ATG16L2: variants seen among roughly 807,000 people sequenced by gnomAD.
ATG16L2 encodes autophagy related 16 like 2.
A neutral mutation model predicts 84.7 loss-of-function variants in ATG16L2; 77 were observed. The observed-to-expected ratio is 0.91, with a 90% CI of 0.76 to 1.10. The LOEUF (loss-of-function observed/expected upper bound fraction) is 1.10. ATG16L2 is among the 50% of genes least tolerant of loss of function. The probability of loss-of-function intolerance (pLI) is 0.00; values close to 1 mark genes in which losing one functional copy is unlikely to be tolerated. For missense variants in ATG16L2, 782 were observed against 817.6 expected, an observed-to-expected ratio of 0.96 and a Z score of 0.53; for synonymous variants, 361 against 342.8, an observed-to-expected ratio of 1.05 and a Z score of -0.59.
At chr11:72,829,063 C>CAGGGTCCCAGTA in intron 17 of ATG16L2, 79 bp downstream of exon 17, 1 of 1,440,078 alleles carries the variant, frequency 6.9e-7, no homozygotes, top group Non-Finnish European at 9.7e-7. Context: ...TACTGGGACC[C>CAGGGTCCCAGTA]TGGAGTCCCC....
chr11:72,836,684 G>A (rs1160259330), intron 5 of ATG16L2: 1 of 152,490 alleles, frequency 6.6e-6, no homozygotes, highest in East Asian at 1.9e-4. Flanking sequence ...TTTATAAGAA[G>A]CATGGGCCTT....
chr11:72,829,572 T>A lies in ATG16L2; in HGVS notation c.*182T>A. 7.4e-7 allele frequency: 1 copy of A among 1,356,470 alleles called. No homozygotes were observed. The highest frequency in any genetic ancestry group is 9.5e-7 in the Non-Finnish European group (1 of 1,057,090). The allele number at this position is 1,356,470 out of a possible 1,614,324, so 84.0% of individuals were successfully genotyped here. A position where few individuals can be genotyped will look rare whatever the true frequency, so the allele number is the denominator to read the frequency against. On this transcript the variant is annotated 3_prime_UTR_variant, in exon 18 of 18. Transcript: ENST00000321297. ...TGGGTTGGGGGATTACGCTAGTTTT[T>A]CTTTGTATTTTTATCTCTATCTCCT...
Position 72,817,769 on chromosome 11 carries a change from C to G in ATG16L2, c.232C>G (p.Leu78Val). The G allele has an allele frequency of 6.2e-7, 1 of 1,613,706 alleles. No homozygotes were observed. Among genetic ancestry groups the G allele is most frequent in the Non-Finnish European group, 8.5e-7 (1 of 1,180,008 alleles). The change falls in exon 3 of 18, where the codon CTT (leucine) becomes GTT (valine). Residue 78 changes from leucine to valine, a missense_variant. By Grantham distance (32) the Leu-to-Val change is conservative. Coordinates refer to ENST00000321297, the MANE Select transcript of ATG16L2 (RefSeq NM_033388.2). ...ATTGGTTGGCAGGGAGGAGTCAGAG[C>G]TTGACTCAGACCAAGTCCCATCACT... The part of the protein sequence containing the change: ...THQGPWEESE[L>V]DSDQVPSLVA...
intron 11 of ATG16L2, 119 bp downstream of exon 11, chr11:72,826,362 T>C: frequency 7.0e-7 from 1 of 1,420,814 alleles, no homozygotes; most frequent in East Asian, 2.4e-5. Context: ...GCCCCTGGGC[T>C]CTTACACAGA....
chr11:72,827,705 G>A (rs913938595), intron 14 of ATG16L2, among the ~76,000 whole-genome samples: 25 of 152,218 alleles, frequency 1.6e-4, no homozygotes, highest in African/African-American at 4.3e-4. Context: ...TTGGGAGGCC[G>A]AGGCGGGCAG....
chr11:72,825,388 C>T lies in ATG16L2; in HGVS notation c.1083C>T (p.His361=), dbSNP rs1337200048. The stretch of plus-strand genomic sequence containing the variant: ...CTGGAGGGGCTGACCGCCTGATCCA[C>T]CTCTGGAATGTTGTGGGAAGTAAGG... ...LATGGADRLI[H]LWNVVGSRLE... The change falls in exon 10 of 18, where the codon CAC becomes CAT. Residue 361 remains histidine (H), a synonymous_variant. Coordinates refer to ENST00000321297, the MANE Select transcript of ATG16L2 (RefSeq NM_033388.2). 1.2e-6 allele frequency: 2 copies of T among 1,612,646 alleles called. No homozygotes were observed. The highest frequency in any genetic ancestry group is 8.5e-7 in the Non-Finnish European group (1 of 1,179,964).
intron 1 of ATG16L2, chr11:72,816,088 C>G (rs1279367906): frequency 6.6e-6 from 1 of 152,546 alleles, no homozygotes; most frequent in Non-Finnish European, 1.5e-5. Flanking sequence ...ACGCCTGTCT[C>G]CCGTCTCAGC....
intron 2 of ATG16L2, 110 bp from the exon 3 acceptor site, chr11:72,817,646 G>T: frequency 9.5e-7 from 1 of 1,053,738 alleles, no homozygotes. Context: ...CATCTTCCCA[G>T]GACGAAGTTA....
rs1860049417 is a variant in ATG16L2, at chr11:72,822,288, C to T, written c.637C>T (p.Arg213Trp). The T allele has an allele frequency of 6.6e-7, 1 of 1,511,522 alleles. No individual in the cohort carries two copies. Among genetic ancestry groups the T allele is most frequent in the South Asian group, 1.2e-5 (1 of 81,504 alleles). The allele number at this position is 1,511,522 out of a possible 1,614,324, so 93.6% of individuals were successfully genotyped here. A position where few individuals can be genotyped will look rare whatever the true frequency, so the allele number is the denominator to read the frequency against. Residue 213 changes from arginine to tryptophan, a missense_variant, in exon 5 of 18, where the codon CGG becomes TGG. Transcript: ENST00000321297. The surrounding 1 kb of genome is among the most constrained non-coding windows in gnomAD (Gnocchi z 4.2). ...AAERNLRNER[R>W]ERAKQARVSQ... is the part of the protein sequence containing the mutation. Reference sequence around the variant, plus strand: ...CGAGCGCAACCTGCGCAACGAGCGCCGGGAGCGGTGAGGGAGCAGGCCCCG... The same window carrying T: ...CGAGCGCAACCTGCGCAACGAGCGCTGGGAGCGGTGAGGGAGCAGGCCCCG...
chr11:72,826,732 G>C lies in ATG16L2; in HGVS notation c.1275G>C (p.Val425=). 6.2e-7 allele frequency: 1 copy of C among 1,614,154 alleles called. No homozygotes were observed. Among genetic ancestry groups the C allele is most frequent in the Non-Finnish European group, 8.5e-7 (1 of 1,180,018 alleles). ...KETLSGHKDK[V]TAAKFKLTRH... The stretch of plus-strand genomic sequence containing the variant: ...CACTGTCTGGACACAAGGATAAGGT[G>C]ACAGCTGCCAAATTCAAGCTAACGA... Residue 425 remains valine, a synonymous_variant, in exon 13 of 18, where the codon GTG becomes GTC. Coordinates refer to ENST00000321297, the MANE Select transcript of ATG16L2 (RefSeq NM_033388.2).
At chr11:72,829,854 C>T (rs1860566961), downstream of ATG16L2, among the ~76,000 whole-genome samples, 1 of 152,142 alleles carries the variant, frequency 6.6e-6, no homozygotes, top group South Asian at 2.1e-4. Flanking sequence ...GACTCTTGGT[C>T]CAACCTGGTC....
At chr11:72,829,276 CT>C in intron 17 of ATG16L2, 26 bp from the exon 18 acceptor site, 1 of 1,610,462 alleles carries the variant, frequency 6.2e-7, no homozygotes, top group Non-Finnish European at 8.5e-7. Context: ...TGAAGCCCCC[CT>C]GAAGCCTGCC....
chr11:72,841,471 C>A lies in ATG16L2; in HGVS notation c.*22-1146C>A, dbSNP rs555444484. On this transcript the variant is annotated intron_variant, in intron 5 of 5. Transcript: ENST00000534905. ...ACCCTTACCGTTTGCTGAAGGAGAC[C>A]GGGGAAAGTACAGGGAGCTCCTCTT... The A allele has an allele frequency of 8.1e-6, 13 of 1,610,516 alleles. No homozygotes were observed. In the East Asian group the frequency reaches 2.9e-4, roughly 36 times the overall value.
At position 72,827,191 on chromosome 11, in the gene ATG16L2, C is replaced by T; in HGVS notation, c.1370C>T (p.Ser457Phe). The T allele has an allele frequency of 6.2e-7, 1 of 1,612,906 alleles. No individual in the cohort carries two copies. Among genetic ancestry groups the T allele is most frequent in the Non-Finnish European group, 8.5e-7 (1 of 1,178,904 alleles). Reference sequence around the variant, plus strand: ...GGGTCTGCTGCTTGGTCCCCAGGCTCCAGGACCATCAATGTCCTTTCCTAC... The same window carrying T: ...GGGTCTGCTGCTTGGTCCCCAGGCTTCAGGACCATCAATGTCCTTTCCTAC... ...KEWDLGRAYC[S>F]RTINVLSYCN... Residue 457 changes from serine to phenylalanine, a missense_variant, in exon 14 of 18, where the codon TCC becomes TTC. Ser to Phe is a radical substitution (Grantham distance 155). Coordinates refer to ENST00000321297, the MANE Select transcript of ATG16L2 (RefSeq NM_033388.2).
intron 5 of ATG16L2, chr11:72,840,989 T>A: frequency 1.3e-6 from 2 of 1,547,896 alleles, no homozygotes; most frequent in African/African-American, 1.4e-5. Flanking sequence ...AAGCTCATTT[T>A]ACTTGAGTTG....
At chr11:72,838,943 C>T in intron 5 of ATG16L2, 1 of 1,408,118 alleles carries the variant, frequency 7.1e-7, no homozygotes, top group Admixed American at 1.9e-5. Flanking sequence ...TCCCCAAAAC[C>T]TAATCACTCA....
chr11:72,821,841 C>T lies in ATG16L2; in HGVS notation c.392+100C>T. 3.4e-6 allele frequency: 5 copies of T among 1,460,982 alleles called. No homozygotes were observed. In the South Asian group the frequency reaches 4.0e-5, roughly 12 times the overall value. The allele number at this position is 1,460,982 out of a possible 1,614,324, so 90.5% of individuals were successfully genotyped here. On this transcript the variant is annotated intron_variant, in intron 4 of 17. Coordinates refer to ENST00000321297, the MANE Select transcript of ATG16L2 (RefSeq NM_033388.2). ...GGGAATGGCGCGGGCCGAGATCTTT[C>T]CCTACGTCCCCCCGACCCCATCGGT...
At chr11:72,842,836 A>T in exon 6 of ATG16L2, 1 of 1,613,300 alleles carries the variant, frequency 6.2e-7, no homozygotes, top group South Asian at 1.1e-5. Context: ...GCTTTCACAA[A>T]ACATACTAGG....
chr11:72,824,907 T>TGGTCC, intron 9 of ATG16L2, 65 bp downstream of exon 9: 1 of 1,386,058 alleles, frequency 7.2e-7, no homozygotes, highest in African/African-American at 1.5e-5. Flanking sequence ...AGGGGTGGTC[T>TGGTCC]CGGCACCAGG....
Sources: allele counts gnomAD v4.1 joint callset (sites outside exome capture counted in the v4.1 genomes callset), GRCh38; gene constraint gnomAD v4.1.1; non-coding constraint Gnocchi (gnomAD v3.1); transcripts MANE v1.5; gene names NCBI Gene and HGNC (gene_info 2026-07-23, HGNC 2026-07-21).